The following EXOG variants were observed in gnomAD, a reference collection of about 807,000 sequenced individuals.
The protein encoded by EXOG is nuclease EXOG, mitochondrial.
A neutral mutation model predicts 25.8 loss-of-function variants in EXOG; 27 were observed. The ratio of observed to expected loss-of-function variants is 1.05; its 90% CI spans 0.77 to 1.45. EXOG has a LOEUF of 1.45. EXOG is among the 40% of genes most tolerant of loss of function. EXOG has a pLI of 0.00. For synonymous variants in EXOG, 133 were observed against 167.0 expected, an observed-to-expected ratio of 0.80 and a Z score of 1.57; for missense variants, 458 against 450.5, an observed-to-expected ratio of 1.02 and a Z score of -0.15.
intron 5 of EXOG, among the ~76,000 whole-genome samples, chr3:38,508,597 G>A (rs970250117): frequency 2.6e-5 from 4 of 151,390 alleles, no homozygotes; most frequent in Non-Finnish European, 5.9e-5. Context: ...GGAGGGGAGG[G>A]AACACCTAGC....
chr3:38,526,065 C>G lies in EXOG; in HGVS notation c.*1703C>G. ...CAAAGGTCCAAAGGCATTTAGCATT[C>G]CTAGGGGAAATTGTGGCTGTTTTTC... On this transcript the variant is annotated 3_prime_UTR_variant, in exon 6 of 6. Coordinates refer to ENST00000287675, the MANE Select transcript of EXOG (RefSeq NM_005107.4). 1.0e-6 allele frequency: 1 copy of G among 985,434 alleles called. No homozygotes were observed. The highest frequency in any genetic ancestry group is 5.2e-4 in the Middle Eastern group (1 of 1,914). 61.0% of individuals were successfully genotyped at this position (985,434 alleles called of 1,614,324 possible).
At chr3:38,508,809 A>G (rs1309707351) in intron 5 of EXOG, among the ~76,000 whole-genome samples, 4 of 151,260 alleles carry the variant, frequency 2.6e-5, no homozygotes, top group East Asian at 3.9e-4. Context: ...AGTAATGTCC[A>G]AGCATCCAAG....
intron 5 of EXOG, chr3:38,523,423 G>A (rs1403277145): frequency 2.3e-5 from 14 of 609,976 alleles, no homozygotes; most frequent in Middle Eastern, 8.1e-4. Flanking sequence ...GAGTGCAGTG[G>A]TGCAATCTCG....
chr3:38,507,298 C>T (rs1226992284), intron 5 of EXOG, among the ~76,000 whole-genome samples: 1 of 152,328 alleles, frequency 6.6e-6, no homozygotes, highest in East Asian at 1.9e-4. Flanking sequence ...GGGCTCTACT[C>T]ATATGAGTCA....
intron 5 of EXOG, 110 bp from the exon 6 acceptor site, chr3:38,523,791 G>A: frequency 1.5e-6 from 1 of 676,230 alleles, no homozygotes; most frequent in South Asian, 2.1e-5. Context: ...GAACAGAGTG[G>A]GATGGCTTAT....
intron 4 of EXOG, 68 bp from the exon 5 acceptor site, chr3:38,506,786 A>G (rs758323715): frequency 5.9e-5 from 40 of 681,510 alleles, no homozygotes; most frequent in Non-Finnish European, 8.6e-5. Context: ...ATAGGAATTG[A>G]TATGATTTGC....
At position 38,503,730 on chromosome 3, in the gene EXOG, G is replaced by C. The variant is rs779637276; in HGVS notation, c.530+39G>C. ...GTTTTAAAAACATGATTCTATGGAA[G>C]ATAAATGAAGTGACAGGAGAATGTA... is the stretch of plus-strand genomic sequence containing the variant. On this transcript the variant is annotated intron_variant, in intron 4 of 5. Transcript: ENST00000287675. 8 of 1,178,994 alleles carry C rather than the reference G, an allele frequency of 6.8e-6. No homozygotes were observed. In the East Asian group the frequency reaches 1.6e-4, roughly 24 times the overall value. The allele number at this position is 1,178,994 out of a possible 1,614,324, so 73.0% of individuals were successfully genotyped here.
intron 2 of EXOG, chr3:38,498,879 C>T (rs1216727467): frequency 2.2e-6 from 1 of 456,388 alleles, no homozygotes; most frequent in South Asian, 1.6e-5. Flanking sequence ...TGATAGGGTC[C>T]TGTAGAATTG....
rs368861888 is a variant in EXOG, at chr3:38,496,373, T to C, written c.6T>C (p.Ala2=). M[A]IKSIASRLRG... ...AGGCCGGTACCTCGGGCAAGATGGCTATCAAGAGTATCGCTTCCCGCCTCC... is the reference window on the plus strand; with the variant it reads ...AGGCCGGTACCTCGGGCAAGATGGCCATCAAGAGTATCGCTTCCCGCCTCC... The change falls in exon 1 of 6, where the codon GCT becomes GCC. Residue 2 remains alanine, a synonymous_variant. Transcript: ENST00000287675. 6.2e-7 allele frequency: 1 copy of C among 1,613,448 alleles called. No homozygotes were observed. Among genetic ancestry groups the C allele is most frequent in the South Asian group, 1.1e-5 (1 of 91,046 alleles).
intron 5 of EXOG, among the ~76,000 whole-genome samples, chr3:38,515,170 T>C (rs891101688): frequency 1.3e-5 from 2 of 152,204 alleles, no homozygotes; most frequent in Admixed American, 6.5e-5. Context: ...AGTCCTTGCA[T>C]GTCTGAAAAT....
At chr3:38,497,167 A>G in intron 1 of EXOG, 1 of 1,006,198 alleles carries the variant, frequency 9.9e-7, no homozygotes, top group Non-Finnish European at 1.2e-6. Context: ...GCATCTAGCA[A>G]GAGAACTACC....
chr3:38,507,959 C>G (rs1018229725), intron 5 of EXOG, among the ~76,000 whole-genome samples: 1 of 151,934 alleles, frequency 6.6e-6, no homozygotes, highest in Non-Finnish European at 1.5e-5. Flanking sequence ...GGTGAAACCC[C>G]GTCTCTGCTA....
chr3:38,496,451 T>A lies in EXOG; in HGVS notation c.84T>A (p.Ala28=), dbSNP rs1354624903. The A allele has an allele frequency of 4.3e-6, 7 of 1,614,058 alleles. No homozygotes were observed. The highest frequency in any genetic ancestry group is 5.9e-6 in the Non-Finnish European group (7 of 1,179,994). The part of the protein sequence containing the change: ...SGFVAGAVVG[A]AGAGLAALQF... ...TCGTGGCTGGGGCTGTAGTGGGCGC[T>A]GCGGGAGCTGGGCTCGCGGCCCTGC... is the stretch of plus-strand genomic sequence containing the variant. The change falls in exon 1 of 6, where the codon GCT becomes GCA. Residue 28 remains alanine (A), a synonymous_variant. Transcript: ENST00000287675.
intron 5 of EXOG, among the ~76,000 whole-genome samples, chr3:38,522,357 T>C (rs2060742979): frequency 6.6e-6 from 1 of 152,150 alleles, no homozygotes; most frequent in Non-Finnish European, 1.5e-5. Context: ...AGCTGTCTGA[T>C]CAGGAAAGAA....
At chr3:38,504,171 T>A (rs1373217515) in intron 4 of EXOG, among the ~76,000 whole-genome samples, 2 of 152,124 alleles carry the variant, frequency 1.3e-5, no homozygotes, top group African/African-American at 4.8e-5. Context: ...AGTTTGAGAC[T>A]GGCCTGGGAC....
intron 5 of EXOG, among the ~76,000 whole-genome samples, chr3:38,511,858 G>A (rs1012826852): frequency 1.3e-5 from 2 of 152,110 alleles, no homozygotes; most frequent in African/African-American, 2.4e-5. Flanking sequence ...TAGTATCATC[G>A]TTAGCTTGGT....
intron 3 of EXOG, among the ~76,000 whole-genome samples, chr3:38,502,324 G>C (rs1446368291): frequency 1.3e-5 from 2 of 152,156 alleles, no homozygotes; most frequent in Non-Finnish European, 2.9e-5. Flanking sequence ...TGAACTCCTA[G>C]GCTTATACGG....
intron 5 of EXOG, among the ~76,000 whole-genome samples, chr3:38,519,609 T>A (rs574052304): frequency 1.3e-5 from 2 of 152,334 alleles, no homozygotes; most frequent in South Asian, 4.1e-4. Flanking sequence ...TTTCCATATC[T>A]ATTTGTTTTA....
chr3:38,506,911 TG>T lies in EXOG; in HGVS notation c.591del (p.Pro198LeufsTer2). 6.2e-7 allele frequency: 1 copy of T among 1,607,432 alleles called. No individual in the cohort carries two copies. Among genetic ancestry groups the T allele is most frequent in the Non-Finnish European group, 8.5e-7 (1 of 1,174,110 alleles). On this transcript the variant is annotated frameshift_variant, in exon 5 of 6. Coordinates refer to ENST00000287675, the MANE Select transcript of EXOG (RefSeq NM_005107.4). LOFTEE classifies it high-confidence loss of function. ...ERFEDVWVVS[G>X]PLTLPQTRGD... ...GGTTTGAAGATGTTTGGGTGGTATC[TG>T]GGCCTTTGACCTTACCTCAGACTAG...
Sources: allele counts gnomAD v4.1 joint callset (sites outside exome capture counted in the v4.1 genomes callset), GRCh38; gene constraint gnomAD v4.1.1; transcripts MANE v1.5; gene names NCBI Gene and HGNC (gene_info 2026-07-23, HGNC 2026-07-21).